Variants in COLEC10 observed in about 807,000 individuals in gnomAD.
COLEC10 encodes the protein collectin-10.
Under a neutral mutation model 28.4 loss-of-function variants are expected in COLEC10, and 22 were observed. The ratio of observed to expected loss-of-function variants is 0.78; its 90% CI spans 0.55 to 1.11. COLEC10 has a LOEUF of 1.11. COLEC10 is among the 50% of genes least tolerant of loss of function. The pLI is 0.00. For missense variants in COLEC10, 361 were observed against 344.1 expected (o/e 1.05, Z -0.39); for synonymous variants, 125 against 116.1 (o/e 1.08, Z -0.49).
chr8:119,102,285 CT>C lies in COLEC10; in HGVS notation c.293-57del, dbSNP rs1563744742. On this transcript the variant is annotated intron_variant, in intron 3 of 5. Transcript: ENST00000332843. ...CTTCATTCCCTTCCTTCCTTCCTTC[CT>C]TTTTTCCTTTCTTCTTTTATTTTAA... The C allele has an allele frequency of 7.0e-6, 6 of 858,646 alleles. 1 individual carries two copies. The highest frequency in any genetic ancestry group is 1.5e-5 in the South Asian group (1 of 67,576). The allele number at this position is 858,646 out of a possible 1,614,324, so 53.2% of individuals were successfully genotyped here. A position where few individuals can be genotyped will look rare whatever the true frequency, so the allele number is the denominator to read the frequency against.
chr8:119,084,383 C>T (rs553292131), intron 1 of COLEC10, among the ~76,000 whole-genome samples: 1 of 152,280 alleles, frequency 6.6e-6, no homozygotes, highest in East Asian at 1.9e-4. Context: ...TGTGAATCAC[C>T]AGTGGAAATT....
intron 1 of COLEC10, among the ~76,000 whole-genome samples, chr8:119,081,263 GA>G (rs1220650671): frequency 2.0e-5 from 3 of 152,068 alleles, no homozygotes; most frequent in African/African-American, 7.2e-5. Flanking sequence ...TGAATCTGAT[GA>G]TGAAATATGA....
chr8:119,038,101 T>C (rs1197759217), intron 2 of COLEC10, among the ~76,000 whole-genome samples: 4 of 152,212 alleles, frequency 2.6e-5, no homozygotes, highest in African/African-American at 9.7e-5. Context: ...GCAAGAAAGT[T>C]GATTCTCGCT....
chr8:119,002,893 G>A (rs770434299), intron 1 of COLEC10, among the ~76,000 whole-genome samples: 7 of 152,090 alleles, frequency 4.6e-5, no homozygotes, highest in Non-Finnish European at 1.0e-4. Flanking sequence ...ATCTAAACCT[G>A]ACTTTATTTC....
At chr8:119,096,115 G>A (rs1279743016) in intron 3 of COLEC10, among the ~76,000 whole-genome samples, 1 of 152,108 alleles carries the variant, frequency 6.6e-6, no homozygotes, top group Non-Finnish European at 1.5e-5. Context: ...ATGGTTTATA[G>A]ATCTAAATTT....
At chr8:119,012,752 G>A (rs1340588721) in intron 2 of COLEC10, among the ~76,000 whole-genome samples, 5 of 150,234 alleles carry the variant, frequency 3.3e-5, no homozygotes, top group Non-Finnish European at 5.9e-5. Context: ...CAAATATGTA[G>A]GAACAAATTT....
chr8:119,012,756 C>A (rs766111772), intron 2 of COLEC10, among the ~76,000 whole-genome samples: 6 of 150,254 alleles, frequency 4.0e-5, no homozygotes, highest in South Asian at 2.1e-4. Flanking sequence ...TATGTAGGAA[C>A]AAATTTTTGT....
intron 1 of COLEC10, among the ~76,000 whole-genome samples, chr8:119,086,717 G>T (rs1223170247): frequency 6.6e-6 from 1 of 152,220 alleles, no homozygotes; most frequent in East Asian, 1.9e-4. Context: ...GAAGGAAGGA[G>T]AAAGAATAAT....
intron 2 of COLEC10, among the ~76,000 whole-genome samples, chr8:119,034,829 C>T (rs1442386820): frequency 6.6e-6 from 1 of 152,104 alleles, no homozygotes; most frequent in African/African-American, 2.4e-5. Context: ...GATAATATTC[C>T]TGAACCTCCA....
chr8:119,051,499 G>C (rs902312298), intron 2 of COLEC10, among the ~76,000 whole-genome samples: 2 of 152,130 alleles, frequency 1.3e-5, no homozygotes, highest in African/African-American at 2.4e-5. Context: ...TATCCTGCCT[G>C]GGGGACCAAA....
intron 1 of COLEC10, among the ~76,000 whole-genome samples, chr8:119,073,843 A>G (rs1815170503): frequency 6.6e-6 from 1 of 152,026 alleles, no homozygotes; most frequent in Non-Finnish European, 1.5e-5. Context: ...AGTAGAGATC[A>G]TAGTAATATG....
At chr8:118,979,800 T>G in the COLEC10 span, among the ~76,000 whole-genome samples, 1 of 152,262 alleles carries the variant, frequency 6.6e-6, no homozygotes, top group South Asian at 2.1e-4. Flanking sequence ...CTAGCTTGAA[T>G]TCTGTGAGGC....
At chr8:118,979,403 A>G in the COLEC10 span, among the ~76,000 whole-genome samples, 1 of 152,078 alleles carries the variant, frequency 6.6e-6, no homozygotes, top group African/African-American at 2.4e-5. Context: ...AATAAATAGA[A>G]AGTGACTATT....
intron 2 of COLEC10, among the ~76,000 whole-genome samples, chr8:119,030,874 T>C (rs1412306622): frequency 6.6e-6 from 1 of 152,128 alleles, no homozygotes; most frequent in Non-Finnish European, 1.5e-5. Flanking sequence ...TAATTATCCA[T>C]CCTGTATTTT....
the COLEC10 span, among the ~76,000 whole-genome samples, chr8:118,966,754 T>G: frequency 6.6e-6 from 1 of 152,210 alleles, no homozygotes; most frequent in South Asian, 2.1e-4. Context: ...ATTTGGAATT[T>G]TACTCTTCAG....
chr8:118,962,550 A>G, the COLEC10 span, among the ~76,000 whole-genome samples: 5 of 152,232 alleles, frequency 3.3e-5, no homozygotes, highest in Non-Finnish European at 7.3e-5. Context: ...CAATCAAGGT[A>G]ATAGGCATAT....
At chr8:119,085,599 C>CTTTTTTTTTTTTT (rs66829005) in intron 1 of COLEC10, among the ~76,000 whole-genome samples, 13 of 63,566 alleles carry the variant, frequency 2.0e-4, no homozygotes, top group East Asian at 5.9e-4. Context: ...TCTTCTTCTT[C>CTTTTTTTTTTTTT]TTTTTTTTTT....
At chr8:119,026,633 G>T (rs543832690) in intron 2 of COLEC10, among the ~76,000 whole-genome samples, 3 of 152,134 alleles carry the variant, frequency 2.0e-5, no homozygotes, top group Non-Finnish European at 4.4e-5. Flanking sequence ...GATTCTCAGA[G>T]AACAGACTCT....
intron 3 of COLEC10, among the ~76,000 whole-genome samples, chr8:119,101,465 G>C (rs543322713): frequency 1.4e-4 from 21 of 152,040 alleles, no homozygotes; most frequent in Non-Finnish European, 2.8e-4. Flanking sequence ...AAAAATTAAC[G>C]TGTTTTATTC....
Sources: gnomAD v4.1 joint callset for allele counts (sites outside exome capture counted in the v4.1 genomes callset) on GRCh38, gnomAD v4.1.1 for gene constraint, MANE v1.5 for transcripts, NCBI Gene and HGNC (gene_info 2026-07-23, HGNC 2026-07-21) for gene names.